The following MRE11 variants were observed in gnomAD, a reference collection of about 807,000 sequenced individuals.
MRE11 encodes MRE11 double strand break repair nuclease, also known as double-strand break repair protein MRE11.
In MRE11, 62 loss-of-function variants were observed where a neutral mutation model predicts 91.7. The observed-to-expected ratio is 0.68, with a 90% confidence interval of 0.55 to 0.84. The LOEUF (loss-of-function observed/expected upper bound fraction) is 0.84. MRE11 is among the 40% of genes least tolerant of loss of function. The pLI, the probability that MRE11 is intolerant of heterozygous loss-of-function variation, is 0.00. For synonymous variants in MRE11, 273 were observed against 271.4 expected (o/e 1.01, Z -0.06); for missense variants, 796 against 852.9 (o/e 0.93, Z 0.83).
chr11:94,431,278 C>CAG (rs1945456167), intron 18 of MRE11, among the ~76,000 whole-genome samples: 1 of 151,806 alleles, frequency 6.6e-6, no homozygotes, highest in East Asian at 1.9e-4. Context: ...AACTAAGGTT[C>CAG]AGAGGTAGCA....
chr11:94,480,024 T>A (rs1267553634), intron 4 of MRE11, among the ~76,000 whole-genome samples: 1 of 152,218 alleles, frequency 6.6e-6, no homozygotes, highest in Admixed American at 6.5e-5. Context: ...TATATCTAAT[T>A]AATGAAAAGT....
intron 14 of MRE11, among the ~76,000 whole-genome samples, chr11:94,452,400 G>A (rs1591662143): frequency 6.6e-6 from 1 of 152,188 alleles, no homozygotes; most frequent in South Asian, 2.1e-4. Context: ...AAGATCAAAA[G>A]ATACAGTAAT....
rs786201666 is a variant in MRE11, at chr11:94,447,326, T to C, written c.1676A>G (p.Asp559Gly). 3 of 1,613,990 alleles carry C rather than the reference T, an allele frequency of 1.9e-6. No homozygotes were observed. Among genetic ancestry groups the C allele is most frequent in the Non-Finnish European group, 2.5e-6 (3 of 1,180,014 alleles). ...DLAEQMANDS[D>G]DSISAATNKG... ...GTTGGTTGCTGCTGAGATGCTATCA[T>C]CAGAGTCATTAGCCATCTGTTCTGC... is the stretch of plus-strand genomic sequence containing the variant. The change falls in exon 15 of 20, where the codon GAT becomes GGT. Residue 559 changes from aspartate (D) to glycine (G), a missense_variant. Asp to Gly is a moderately conservative substitution (Grantham distance 94). Coordinates refer to ENST00000323929, the MANE Select transcript of MRE11 (RefSeq NM_005591.4).
chr11:94,471,789 C>T (rs760515793), intron 7 of MRE11, 30 bp from the exon 8 acceptor site: 32 of 1,556,148 alleles, frequency 2.1e-5, no homozygotes, highest in African/African-American at 1.6e-4. Flanking sequence ...AATATAAATT[C>T]GGTGATTAGA....
intron 16 of MRE11, 147 bp downstream of exon 16, chr11:94,445,663 G>T (rs933248686): frequency 1.5e-6 from 1 of 687,684 alleles, no homozygotes. Context: ...GCATAGCAAA[G>T]ATCTTTTAAA....
intron 13 of MRE11, among the ~76,000 whole-genome samples, chr11:94,457,766 A>G (rs1013490839): frequency 3.3e-5 from 5 of 152,114 alleles, no homozygotes; most frequent in Non-Finnish European, 5.9e-5. Flanking sequence ...AGGTGGGTTT[A>G]GATAACTCAA....
chr11:94,475,490 A>G, intron 7 of MRE11: 2 of 413,748 alleles, frequency 4.8e-6, no homozygotes, highest in East Asian at 7.1e-5. Context: ...TTCCCTGACA[A>G]CTTCTCCGGT....
At chr11:94,420,517 AC>A (rs1343794429) in intron 19 of MRE11, among the ~76,000 whole-genome samples, 6 of 152,214 alleles carry the variant, frequency 3.9e-5, no homozygotes, top group Non-Finnish European at 7.3e-5. Context: ...TTTCTCATTT[AC>A]ATTTTATTAC....
intron 13 of MRE11, 86 bp from the exon 14 acceptor site, chr11:94,456,424 TTA>T (rs1946250254): frequency 1.1e-5 from 12 of 1,056,068 alleles, no homozygotes; most frequent in Admixed American, 1.9e-5. Context: ...AAGAAATGCT[TTA>T]TGTTATAAAA....
At chr11:94,462,212 C>T (rs933752456) in intron 11 of MRE11, among the ~76,000 whole-genome samples, 3 of 152,134 alleles carry the variant, frequency 2.0e-5, no homozygotes, top group Non-Finnish European at 4.4e-5. Context: ...CCTAGGAATC[C>T]AATTTACAAG....
chr11:94,492,923 A>G lies in MRE11; in HGVS notation c.-105-17T>C, dbSNP rs1222957936. 5 of 880,106 alleles carry G rather than the reference A, an allele frequency of 5.7e-6. No individual in the cohort carries two copies. In the African/African-American group the frequency reaches 8.4e-5, roughly 15 times the overall value. 54.5% of individuals were successfully genotyped at this position (880,106 alleles called of 1,614,324 possible). ...CTAGAAATTCTAAAAACAAAATTAC[A>G]TCATAAAACACATTTTTTAAAAGCC... On this transcript the variant is annotated splice_polypyrimidine_tract_variant and intron_variant, in intron 1 of 19. Coordinates refer to ENST00000323929, the MANE Select transcript of MRE11 (RefSeq NM_005591.4).
chr11:94,445,880 C>T lies in MRE11; in HGVS notation c.1797G>A (p.Leu599=), dbSNP rs147342285. ...AGTTCCTGCTACGGGTAGAAGTCTC[C>T]AGACCAGTGTCTGCTGTTAGAAAAA... ...GSQRGRADTG[L]ETSTRSRNSK... Residue 599 remains leucine, a synonymous_variant, in exon 16 of 20, where the codon CTG becomes CTA. Coordinates refer to ENST00000323929, the MANE Select transcript of MRE11 (RefSeq NM_005591.4). 1.2e-6 allele frequency: 2 copies of T among 1,613,354 alleles called. No homozygotes were observed. Among genetic ancestry groups the T allele is most frequent in the African/African-American group, 1.3e-5 (1 of 74,896 alleles).
Position 94,479,763 on chromosome 11 carries a change from T to TC in MRE11, c.315-3_315-2insG. 6.2e-7 allele frequency: 1 copy of TC among 1,608,774 alleles called. No individual in the cohort carries two copies. The highest frequency in any genetic ancestry group is 8.5e-7 in the Non-Finnish European group (1 of 1,178,578). ...TCTTGATAGTTCACCCATGGAAACC[T>TC]TAAAAAAAAAAAGTTACTTAAAATT... On this transcript the variant is annotated splice_polypyrimidine_tract_variant and splice_region_variant and intron_variant, in intron 4 of 19. Transcript: ENST00000323929.
At chr11:94,500,499 G>A in the MRE11 span, among the ~76,000 whole-genome samples, 1 of 152,160 alleles carries the variant, frequency 6.6e-6, no homozygotes, top group African/African-American at 2.4e-5. Flanking sequence ...TTCCAGTTTA[G>A]GCCGGCTAAA....
intron 7 of MRE11, chr11:94,473,462 C>G (rs1184600108): frequency 6.6e-6 from 1 of 152,024 alleles, no homozygotes; most frequent in Non-Finnish European, 1.5e-5. Flanking sequence ...ATTCTTTCTT[C>G]TTTGAAACAA....
intron 14 of MRE11, among the ~76,000 whole-genome samples, chr11:94,452,414 T>C (rs899028111): frequency 6.6e-6 from 1 of 152,102 alleles, no homozygotes; most frequent in Non-Finnish European, 1.5e-5. Context: ...CAGTAATACA[T>C]CACGATGGTA....
intron 3 of MRE11, among the ~76,000 whole-genome samples, chr11:94,488,286 T>G (rs1417159881): frequency 1.3e-5 from 2 of 152,132 alleles, no homozygotes; most frequent in Non-Finnish European, 2.9e-5. Context: ...ATTCTATTAT[T>G]GAAAAGTCAA....
At chr11:94,483,923 T>C (rs1475704090) in intron 4 of MRE11, 1 of 152,182 alleles carries the variant, frequency 6.6e-6, no homozygotes, top group African/African-American at 2.4e-5. Context: ...TGTACACATA[T>C]TTTTCTTAGC....
At chr11:94,510,317 G>A in the MRE11 span, among the ~76,000 whole-genome samples, 1 of 152,076 alleles carries the variant, frequency 6.6e-6, no homozygotes, top group East Asian at 1.9e-4. Context: ...TTTAATGCCT[G>A]TAAGATCTTT....
Sources: gnomAD v4.1 joint callset for allele counts (sites outside exome capture counted in the v4.1 genomes callset) on GRCh38, gnomAD v4.1.1 for gene constraint, MANE v1.5 for transcripts, NCBI Gene and HGNC (gene_info 2026-07-23, HGNC 2026-07-21) for gene names.